ANKRD18B: variants seen among roughly 807,000 people sequenced by gnomAD.
The protein encoded by ANKRD18B is ankyrin repeat domain 18B, also known as ankyrin repeat domain-containing protein 18B.
ANKRD18B carries 75 observed loss-of-function variants against 111.8 expected under a neutral mutation model. That is an observed-to-expected ratio of 0.67 (90% CI 0.56 to 0.81). The LOEUF (loss-of-function observed/expected upper bound fraction) is 0.81, where lower values mean the gene tolerates loss of function less well. Ranked by LOEUF, ANKRD18B falls within the 40% of genes least tolerant of loss-of-function variation. The pLI is 0.00. For missense variants in ANKRD18B, 1,038 were observed against 1,225.5 expected (o/e 0.85, Z 2.28); for synonymous variants, 356 against 417.3 (o/e 0.85, Z 1.79).
At position 33,533,529 on chromosome 9, in the gene ANKRD18B, G is replaced by A. The variant is rs566407391; in HGVS notation, c.586G>A (p.Val196Ile). The A allele has an allele frequency of 3.3e-6, 5 of 1,530,286 alleles. No individual in the cohort carries two copies. The highest frequency in any genetic ancestry group is 2.2e-5 in the Admixed American group (1 of 44,492). 94.8% of individuals were successfully genotyped at this position (1,530,286 alleles called of 1,614,324 possible). Residue 196 changes from valine (V) to isoleucine (I), a missense_variant, in exon 4 of 19, where the codon GTT (valine) becomes ATT (isoleucine). This residue lies in a region of ANKRD18B where 93 missense variants were observed against 141.3 expected (regional missense o/e 0.66). Coordinates refer to ENST00000684830, the MANE Select transcript of ANKRD18B (RefSeq NM_001393611.1). ...GAAGAACCAGGCAAATATACATGCCGTTGACAATTTCAAAAGGTGCAATAG... is the reference window on the plus strand; with the variant it reads ...GAAGAACCAGGCAAATATACATGCCATTGACAATTTCAAAAGGTGCAATAG... Reference protein sequence around the residue: ...LLKNQANIHAVDNFKRTALIL... With the variant: ...LLKNQANIHAIDNFKRTALIL...
At chr9:33,537,480 T>C (rs765731013) in intron 6 of ANKRD18B, among the ~76,000 whole-genome samples, 2 of 152,186 alleles carry the variant, frequency 1.3e-5, no homozygotes, top group South Asian at 4.1e-4. Context: ...TACCTACTTA[T>C]GATCCCTGAA....
intron 1 of ANKRD18B, among the ~76,000 whole-genome samples, chr9:33,525,082 A>G (rs994279686): frequency 1.3e-5 from 2 of 152,342 alleles, no homozygotes; most frequent in African/African-American, 4.8e-5. Context: ...TTAGAGGGAC[A>G]CTTGGAAGTG....
At chr9:33,570,448 A>G (rs1231073928) in intron 17 of ANKRD18B, among the ~76,000 whole-genome samples, 3 of 101,972 alleles carry the variant, frequency 2.9e-5, no homozygotes, top group Non-Finnish European at 6.1e-5. Flanking sequence ...AATTTAGAAT[A>G]CAAACTAGAA....
At chr9:33,554,911 A>G (rs1439956760) in intron 12 of ANKRD18B, among the ~76,000 whole-genome samples, 3 of 151,760 alleles carry the variant, frequency 2.0e-5, no homozygotes, top group African/African-American at 4.8e-5. Context: ...TGACAGGTTC[A>G]TAACTTAGGA....
At chr9:33,569,273 T>A (rs2118142798) in intron 17 of ANKRD18B, 1 of 156,048 alleles carries the variant, frequency 6.4e-6, no homozygotes, top group East Asian at 1.9e-4. Flanking sequence ...TTTTTTTTTT[T>A]TTTTTTTTTG....
At chr9:33,574,077 C>T (rs547845062), downstream of ANKRD18B, among the ~76,000 whole-genome samples, 19 of 142,088 alleles carry the variant, frequency 1.3e-4, 1 homozygote, top group African/African-American at 4.2e-4. Flanking sequence ...GGGGCTCAGT[C>T]GGCTGGGGAC....
downstream of ANKRD18B, chr9:33,574,325 T>C (rs539776965): frequency 2.4e-5 from 4 of 163,946 alleles, no homozygotes; most frequent in South Asian, 8.0e-4. Context: ...GGGCACCTGG[T>C]CAGTAGGAAC....
At chr9:33,543,050 T>C in intron 9 of ANKRD18B, 135 bp from the exon 10 acceptor site, 1 of 881,508 alleles carries the variant, frequency 1.1e-6, no homozygotes, top group African/African-American at 1.7e-5. Flanking sequence ...AAAATGTAAA[T>C]ATTCCAGTAA....
chr9:33,549,200 A>C (rs1828412781), intron 11 of ANKRD18B, among the ~76,000 whole-genome samples: 1 of 152,232 alleles, frequency 6.6e-6, no homozygotes, highest in Admixed American at 6.6e-5. Context: ...TAAATTCTAT[A>C]AATCATATTT....
At chr9:33,566,054 T>C (rs940060797) in intron 14 of ANKRD18B, among the ~76,000 whole-genome samples, 165 bp from the exon 15 acceptor site, 10 of 152,256 alleles carry the variant, frequency 6.6e-5, no homozygotes, top group African/African-American at 2.4e-4. Flanking sequence ...GCTTTAACTT[T>C]GTTCTTAAAA....
chr9:33,530,072 A>G (rs1159282798), intron 3 of ANKRD18B, among the ~76,000 whole-genome samples: 1 of 152,134 alleles, frequency 6.6e-6, no homozygotes, highest in Non-Finnish European at 1.5e-5. Flanking sequence ...AATTAATTGG[A>G]GTTTTAATAC....
intron 10 of ANKRD18B, among the ~76,000 whole-genome samples, chr9:33,544,275 C>G (rs1449465799): frequency 6.6e-6 from 1 of 152,096 alleles, no homozygotes; most frequent in African/African-American, 2.4e-5. Flanking sequence ...ATTTTTACTT[C>G]TTAGTTATAA....
rs538435879 is a variant in ANKRD18B at position 33,558,640 on chromosome 9, G to C, written c.2460+453G>C. On this transcript the variant is annotated intron_variant, in intron 14 of 18. Transcript: ENST00000684830. Reference sequence around the variant, plus strand: ...TTCCATGTCTTTGCTATTGTGAATAGTGCTGCAATGAACATACAAATACAT... The same window carrying C: ...TTCCATGTCTTTGCTATTGTGAATACTGCTGCAATGAACATACAAATACAT... 2.6e-3 allele frequency among the ~76,000 whole-genome samples: 399 copies of C among 152,210 alleles called. 2 individuals carry two copies. Among genetic ancestry groups the C allele is most frequent in the African/African-American group, 9.0e-3 (375 of 41,526 alleles).
chr9:33,546,679 G>A (rs1271316079), intron 10 of ANKRD18B, among the ~76,000 whole-genome samples: 1 of 152,094 alleles, frequency 6.6e-6, no homozygotes, highest in African/African-American at 2.4e-5. Flanking sequence ...GTATTTATCT[G>A]GTAATTGATG....
intron 3 of ANKRD18B, among the ~76,000 whole-genome samples, chr9:33,532,423 A>C (rs373284498): frequency 1.6e-3 from 242 of 152,332 alleles, no homozygotes; most frequent in African/African-American, 5.6e-3. Flanking sequence ...GGATTTAAAA[A>C]GTAAAGTTGC....
chr9:33,559,447 G>A (rs1828575016), intron 14 of ANKRD18B, among the ~76,000 whole-genome samples: 1 of 151,994 alleles, frequency 6.6e-6, no homozygotes, highest in African/African-American at 2.4e-5. Context: ...CCAGAATCAG[G>A]TTAGAAAGTA....
chr9:33,558,735 A>C (rs1392314015), intron 14 of ANKRD18B, among the ~76,000 whole-genome samples: 1 of 152,234 alleles, frequency 6.6e-6, no homozygotes, highest in Non-Finnish European at 1.5e-5. Context: ...GATTAAAATT[A>C]TGTAATTTGG....
intron 14 of ANKRD18B, among the ~76,000 whole-genome samples, chr9:33,562,076 C>T (rs541238771): frequency 5.9e-4 from 90 of 152,222 alleles, no homozygotes; most frequent in African/African-American, 2.1e-3. Flanking sequence ...GTCAGGCTTA[C>T]GAGACACACT....
intron 14 of ANKRD18B, among the ~76,000 whole-genome samples, chr9:33,562,413 C>T (rs2118115104): frequency 6.6e-6 from 1 of 152,074 alleles, no homozygotes; most frequent in East Asian, 1.9e-4. Context: ...ATCTTGCATT[C>T]TCAGAAACCA....
Sources: gnomAD v4.1 joint callset for allele counts (sites outside exome capture counted in the v4.1 genomes callset) on GRCh38, gnomAD v4.1.1 for gene constraint, gnomAD v4.1.1 regional missense constraint, MANE v1.5 for transcripts, NCBI Gene and HGNC (gene_info 2026-07-23, HGNC 2026-07-21) for gene names.